The following EPAS1 variants were observed in gnomAD, a reference collection of about 807,000 sequenced individuals.
EPAS1 encodes endothelial PAS domain-containing protein 1.
Under a neutral mutation model 87.9 loss-of-function variants are expected in EPAS1, and 23 were observed. The observed-to-expected ratio is 0.26, with a 90% CI of 0.19 to 0.37. The LOEUF is 0.37. Among genes scored for constraint, EPAS1 ranks in the 10% least tolerant of loss-of-function variants. The probability of loss-of-function intolerance (pLI) is 1.00; values close to 1 mark genes in which losing one functional copy is unlikely to be tolerated. For missense variants in EPAS1, 1,138 were observed against 1,120.7 expected (o/e 1.02, Z -0.22); for synonymous variants, 508 against 444.3 (o/e 1.14, Z -1.80).
intron 1 of EPAS1, among the ~76,000 whole-genome samples, chr2:46,336,130 G>A (rs1213549926): frequency 6.6e-6 from 1 of 152,194 alleles, no homozygotes; most frequent in Non-Finnish European, 1.5e-5. Flanking sequence ...TGGAGGCCAA[G>A]GCAGCTGGGA....
At chr2:46,382,960 GA>G in intron 15 of EPAS1, among the ~76,000 whole-genome samples, 1 of 152,332 alleles carries the variant, frequency 6.6e-6, no homozygotes, top group South Asian at 2.1e-4. Context: ...ACTTTCAGAA[GA>G]AAGAGCAGGC....
chr2:46,354,193 A>G (rs1684223523), intron 2 of EPAS1, among the ~76,000 whole-genome samples: 3 of 152,216 alleles, frequency 2.0e-5, no homozygotes, highest in African/African-American at 4.8e-5. Context: ...CTTGAACGAC[A>G]TTTCACAGCA....
rs758037152 is a variant in EPAS1, at chr2:46,378,707, T to G, written c.1494T>G (p.Ile498Met). The change falls in exon 11 of 16, where the codon ATT (isoleucine) becomes ATG (methionine). Residue 498 changes from isoleucine (I) to methionine (M), a missense_variant. Coordinates refer to ENST00000263734, the MANE Select transcript of EPAS1 (RefSeq NM_001430.5). ...YYTSLDNDLK[I>M]EVIEKLFAMD... is the part of the protein sequence containing the mutation. ...CATCTTTGGATAACGACCTGAAGAT[T>G]GAAGTGATTGAGAAGCTCTTCGCCA... 2.5e-6 allele frequency: 4 copies of G among 1,614,200 alleles called. No homozygotes were observed. The highest frequency in any genetic ancestry group is 3.4e-6 in the Non-Finnish European group (4 of 1,180,026).
intron 6 of EPAS1, 75 bp downstream of exon 6, chr2:46,361,165 TA>T: frequency 6.7e-7 from 1 of 1,502,620 alleles, no homozygotes; most frequent in Non-Finnish European, 9.2e-7. Flanking sequence ...GTGCCTGTAT[TA>T]AAGGTGTGGA....
intron 12 of EPAS1, chr2:46,381,386 C>G: frequency 1.4e-6 from 1 of 709,886 alleles, no homozygotes; most frequent in Middle Eastern, 2.9e-4. Flanking sequence ...GACCAGGAGG[C>G]TTGAGCCCTT....
Position 46,360,921 on chromosome 2 carries a change from A to G in EPAS1, c.610A>G (p.Asn204Asp), listed in dbSNP as rs1273345003. 1 of 1,614,016 alleles carries G rather than the reference A, an allele frequency of 6.2e-7. No homozygotes were observed. The highest frequency in any genetic ancestry group is 8.5e-7 in the Non-Finnish European group (1 of 1,180,032). Residue 204 changes from asparagine to aspartate, a missense_variant, in exon 6 of 16, where the codon AAC becomes GAC. Physicochemically the swap from Asn to Asp is conservative, Grantham distance 23. Coordinates refer to ENST00000263734, the MANE Select transcript of EPAS1 (RefSeq NM_001430.5). The surrounding 1 kb of genome is among the most constrained non-coding windows in gnomAD (Gnocchi z 4.5). The part of the protein sequence containing the change: ...HCTGQVKVYN[N>D]CPPHNSLCGY... The stretch of plus-strand genomic sequence containing the variant: ...CACGGGCCAGGTGAAAGTCTACAAC[A>G]ACTGCCCTCCTCACAATAGTCTGTG...
intron 6 of EPAS1, among the ~76,000 whole-genome samples, chr2:46,362,774 T>C (rs1684419734): frequency 6.6e-6 from 1 of 152,224 alleles, no homozygotes; most frequent in African/African-American, 2.4e-5. Context: ...TGTAAAAGTA[T>C]CCTTGAGTCA....
Position 46,356,307 on chromosome 2 carries a change from C to T in EPAS1, c.369+5C>T, listed in dbSNP as rs752214390. On this transcript the variant is annotated splice_donor_5th_base_variant and intron_variant, in intron 3 of 15. Coordinates refer to ENST00000263734, the MANE Select transcript of EPAS1 (RefSeq NM_001430.5). ...AAGTTCATGGGACTTACACAGGTGA[C>T]ACCCTCCTCTATCTCTTTCAAAAGA... 3.7e-6 allele frequency: 6 copies of T among 1,614,206 alleles called. No individual in the cohort carries two copies. Among genetic ancestry groups the T allele is most frequent in the Admixed American group, 3.3e-5 (2 of 60,034 alleles).
rs59901247 is a variant in EPAS1, at chr2:46,382,433, A to G, written c.2296A>G (p.Thr766Ala). The change falls in exon 15 of 16, where the codon ACC becomes GCC. Residue 766 changes from threonine (T) to alanine (A), a missense_variant. Thr to Ala is a moderately conservative substitution (Grantham distance 58). Around this residue, in one of 4 missense-constraint regions of EPAS1, gnomAD observed 502 missense variants for 427.1 expected, o/e 1.18. Transcript: ENST00000263734. ...LSANVPNDKF[T>A]QNPMRGLGHP... is the part of the protein sequence containing the mutation. ...TGACTTTGGTCTTTCAGATAAGTTCACCCAAAACCCCATGAGGGGCCTGGG... is the reference window on the plus strand; with the variant it reads ...TGACTTTGGTCTTTCAGATAAGTTCGCCCAAAACCCCATGAGGGGCCTGGG... 1.2e-6 allele frequency: 2 copies of G among 1,613,858 alleles called. No homozygotes were observed. Among genetic ancestry groups the G allele is most frequent in the African/African-American group, 2.7e-5 (2 of 74,946 alleles).
rs1264118787 is a variant in EPAS1 at position 46,302,159 on chromosome 2, TC to T, written c.26+4223del. On this transcript the variant is annotated intron_variant, in intron 1 of 15. Transcript: ENST00000263734. ...GTGTGTGTGTGTGTGTGCCCGTGCGTCGGGGGGGGGGGCAGTGGTGATTCTC... is the reference window on the plus strand; with the variant it reads ...GTGTGTGTGTGTGTGTGCCCGTGCGTGGGGGGGGGGGCAGTGGTGATTCTC... Among the ~76,000 whole-genome samples the T allele has an allele frequency of 1.9e-3, 232 of 119,572 alleles. 7 individuals carry two copies. The highest frequency in any genetic ancestry group is 0.01 in the African/African-American group (226 of 22,254). The allele number at this position is 119,572 out of a possible 152,430, so 78.4% of individuals were successfully genotyped here.
At chr2:46,340,677 C>T (rs1184484613) in intron 1 of EPAS1, among the ~76,000 whole-genome samples, 1 of 152,136 alleles carries the variant, frequency 6.6e-6, no homozygotes, top group African/African-American at 2.4e-5. Context: ...CTGATCTGGC[C>T]AGCTCCTCCT....
intron 1 of EPAS1, among the ~76,000 whole-genome samples, chr2:46,307,319 A>G (rs918416016): frequency 2.0e-5 from 3 of 152,144 alleles, no homozygotes; most frequent in African/African-American, 7.2e-5. Flanking sequence ...GACACACCAC[A>G]TTTCACCTTT....
rs1336167125 is a variant in EPAS1, at chr2:46,297,784, GGA to G, written c.-127_-126del. 7.8e-7 allele frequency: 1 copy of G among 1,289,486 alleles called. No homozygotes were observed. The highest frequency in any genetic ancestry group is 1.5e-5 in the African/African-American group (1 of 66,762). 79.9% of individuals were successfully genotyped at this position (1,289,486 alleles called of 1,614,324 possible). A position where few individuals can be genotyped will look rare whatever the true frequency, so the allele number is the denominator to read the frequency against. On this transcript the variant is annotated 5_prime_UTR_variant, in exon 1 of 16. Transcript: ENST00000263734. ...TCCACCTGACTGCGCGGGGCGCTCG[GGA>G]CCTGCGCGCACCTCGGACCTTCACC...
intron 1 of EPAS1, among the ~76,000 whole-genome samples, chr2:46,311,311 A>G (rs550725950): frequency 4.6e-5 from 7 of 151,868 alleles, no homozygotes; most frequent in South Asian, 2.1e-4. Flanking sequence ...CTCATTGCCT[A>G]CTCTGTGCAG....
chr2:46,299,037 C>G (rs1048991501), intron 1 of EPAS1, among the ~76,000 whole-genome samples: 14 of 152,242 alleles, frequency 9.2e-5, no homozygotes, highest in Non-Finnish European at 4.4e-5. Context: ...CCGCGGGAAA[C>G]CAGCGGCGGA....
intron 1 of EPAS1, among the ~76,000 whole-genome samples, chr2:46,345,075 C>A (rs750751268): frequency 6.6e-6 from 1 of 152,214 alleles, no homozygotes; most frequent in African/African-American, 2.4e-5. Flanking sequence ...CAGGACAGAA[C>A]GAGCCAGCTA....
chr2:46,316,917 A>T (rs886165525), intron 1 of EPAS1, among the ~76,000 whole-genome samples: 2 of 152,126 alleles, frequency 1.3e-5, no homozygotes, highest in Non-Finnish European at 2.9e-5. Flanking sequence ...AATATTCTAA[A>T]TCCTTTGTTG....
chr2:46,380,134 T>C lies in EPAS1; in HGVS notation c.1555-93T>C. 1 of 1,574,968 alleles carries C rather than the reference T, an allele frequency of 6.3e-7. No individual in the cohort carries two copies. Among genetic ancestry groups the C allele is most frequent in the Non-Finnish European group, 8.6e-7 (1 of 1,158,312 alleles). On this transcript the variant is annotated intron_variant, in intron 11 of 15. Coordinates refer to ENST00000263734, the MANE Select transcript of EPAS1 (RefSeq NM_001430.5). This position sits in a 1 kb window ranked among gnomAD's most constrained non-coding sequence, Gnocchi z 4.4. ...TTGAGCAGCACTGTGAAACAGTGCT[T>C]GAGATGAATGGCTCTGCAGGAGCTG...
At chr2:46,369,791 C>G (rs766526399) in intron 6 of EPAS1, 36 bp from the exon 7 acceptor site, 1 of 1,530,180 alleles carries the variant, frequency 6.5e-7, no homozygotes, top group Non-Finnish European at 9.0e-7. Flanking sequence ...TTAATATGGT[C>G]TTTCTTCCTT....
Sources: allele counts gnomAD v4.1 joint callset (sites outside exome capture counted in the v4.1 genomes callset), GRCh38; gene constraint gnomAD v4.1.1; regional missense constraint gnomAD v4.1.1; non-coding constraint Gnocchi (gnomAD v3.1); transcripts MANE v1.5; gene names NCBI Gene and HGNC (gene_info 2026-07-23, HGNC 2026-07-21).